Variants in METTL25 observed in about 807,000 individuals in gnomAD.
The protein encoded by METTL25 is probable methyltransferase-like protein 25.
METTL25 carries 64 observed loss-of-function variants against 71.6 expected under a neutral mutation model. That is an observed-to-expected ratio of 0.89 (90% CI 0.73 to 1.10). The LOEUF (loss-of-function observed/expected upper bound fraction) is 1.10. METTL25 is among the 50% of genes least tolerant of loss of function. The probability of loss-of-function intolerance (pLI) is 0.00; values close to 1 mark genes in which losing one functional copy is unlikely to be tolerated. For synonymous variants in METTL25, 287 were observed against 250.3 expected, an observed-to-expected ratio of 1.15 and a Z score of -1.38; for missense variants, 807 against 707.0, an observed-to-expected ratio of 1.14 and a Z score of -1.60.
intron 3 of METTL25, 85 bp downstream of exon 3, chr12:82,390,007 T>C: frequency 1.3e-6 from 1 of 746,398 alleles, no homozygotes; most frequent in Non-Finnish European, 2.3e-6. Context: ...TACTGTCAGC[T>C]AGCCTTTAAA....
chr12:82,467,569 T>G (rs1309752598), intron 9 of METTL25, among the ~76,000 whole-genome samples: 1 of 152,100 alleles, frequency 6.6e-6, no homozygotes, highest in Non-Finnish European at 1.5e-5. Context: ...TGGCTGGCAG[T>G]TTTTTTGTTT....
intron 5 of METTL25, among the ~76,000 whole-genome samples, chr12:82,424,398 A>AG (rs1195868385): frequency 1.4e-5 from 2 of 144,092 alleles, no homozygotes; most frequent in African/African-American, 5.0e-5. Flanking sequence ...GGGTGGGGGA[A>AG]GGGGGGAGGG....
chr12:82,475,250 G>A (rs1207323878), intron 9 of METTL25, among the ~76,000 whole-genome samples: 1 of 152,202 alleles, frequency 6.6e-6, no homozygotes, highest in Non-Finnish European at 1.5e-5. Flanking sequence ...TGTGAGTTGA[G>A]AGTTTCTGCT....
intron 5 of METTL25, among the ~76,000 whole-genome samples, chr12:82,424,534 A>G (rs1377327082): frequency 7.3e-5 from 3 of 41,194 alleles, no homozygotes; most frequent in Non-Finnish European, 1.0e-4. Flanking sequence ...TTAAAGTATA[A>G]TATAAAACTA....
intron 1 of METTL25, among the ~76,000 whole-genome samples, chr12:82,378,786 G>C (rs1884142486): frequency 6.6e-6 from 1 of 152,164 alleles, no homozygotes. Flanking sequence ...CGGCATTTGG[G>C]AAGGGCTGAG....
intron 8 of METTL25, among the ~76,000 whole-genome samples, chr12:82,447,111 G>GC (rs1178902447): frequency 1.3e-4 from 19 of 151,498 alleles, no homozygotes; most frequent in Non-Finnish European, 2.7e-4. Context: ...AAATAATCAA[G>GC]ATCAGAGCAT....
chr12:82,387,545 C>T (rs2136948455), intron 2 of METTL25, among the ~76,000 whole-genome samples: 1 of 151,708 alleles, frequency 6.6e-6, no homozygotes, highest in South Asian at 2.1e-4. Context: ...AAACCTCTTT[C>T]ATATCTCTTA....
At chr12:82,369,073 C>CT (rs1029843984) in intron 1 of METTL25, among the ~76,000 whole-genome samples, 132 of 152,260 alleles carry the variant, frequency 8.7e-4, no homozygotes, top group African/African-American at 3.1e-3. Flanking sequence ...TGTTTTTTCT[C>CT]TAATTTTGTT....
At chr12:82,408,824 A>T (rs146904082) in intron 5 of METTL25, among the ~76,000 whole-genome samples, 22 of 152,240 alleles carry the variant, frequency 1.4e-4, no homozygotes, top group African/African-American at 4.6e-4. Context: ...AAAGGGGTTT[A>T]TGTGCACAAA....
chr12:82,428,017 TG>T (rs1889177717), intron 5 of METTL25, among the ~76,000 whole-genome samples: 3 of 152,114 alleles, frequency 2.0e-5, no homozygotes, highest in African/African-American at 7.2e-5. Context: ...TCTGTTTTTT[TG>T]CTCTACTCTC....
intron 8 of METTL25, among the ~76,000 whole-genome samples, chr12:82,449,595 C>G (rs2137229419): frequency 6.6e-6 from 1 of 152,266 alleles, no homozygotes; most frequent in East Asian, 1.9e-4. Flanking sequence ...GAAGACATCT[C>G]TGTGATAGCT....
intron 9 of METTL25, among the ~76,000 whole-genome samples, chr12:82,465,844 T>A (rs1190367593): frequency 1.3e-5 from 2 of 151,958 alleles, no homozygotes; most frequent in Admixed American, 1.3e-4. Context: ...TGTATGTGTC[T>A]AAGAACTTGT....
At chr12:82,364,784 G>A (rs1323724546) in intron 1 of METTL25, among the ~76,000 whole-genome samples, 1 of 152,128 alleles carries the variant, frequency 6.6e-6, no homozygotes, top group Admixed American at 6.5e-5. Context: ...TTACTTGGAA[G>A]AAATAAATTG....
chr12:82,387,521 C>T (rs911084695), intron 2 of METTL25, among the ~76,000 whole-genome samples: 1 of 151,942 alleles, frequency 6.6e-6, no homozygotes, highest in African/African-American at 2.4e-5. Flanking sequence ...AACTCAGATT[C>T]TTTTATCTTA....
At chr12:82,372,761 CA>C (rs1467858174) in intron 1 of METTL25, among the ~76,000 whole-genome samples, 6 of 152,106 alleles carry the variant, frequency 3.9e-5, no homozygotes, top group African/African-American at 1.4e-4. Context: ...ATCTGAAAGA[CA>C]AAACCGCCTG....
At chr12:82,445,833 G>A (rs1045281022) in intron 8 of METTL25, among the ~76,000 whole-genome samples, 1 of 152,196 alleles carries the variant, frequency 6.6e-6, no homozygotes, top group East Asian at 1.9e-4. Context: ...TAACACCTTT[G>A]CTGCAGCTAT....
At chr12:82,437,038 ATAAAG>A (rs1189573319) in intron 7 of METTL25, among the ~76,000 whole-genome samples, 10 of 151,664 alleles carry the variant, frequency 6.6e-5, no homozygotes, top group Non-Finnish European at 1.3e-4. Flanking sequence ...GGGACAGATG[ATAAAG>A]TAGAGATTTT....
At chr12:82,406,127 C>A (rs1887066816) in intron 5 of METTL25, among the ~76,000 whole-genome samples, 1 of 152,162 alleles carries the variant, frequency 6.6e-6, no homozygotes, top group South Asian at 2.1e-4. Flanking sequence ...AGTTCAACAT[C>A]ATCAGTGCCA....
chr12:82,430,384 T>C (rs1889386020), intron 5 of METTL25, among the ~76,000 whole-genome samples: 1 of 151,496 alleles, frequency 6.6e-6, no homozygotes, highest in Non-Finnish European at 1.5e-5. Flanking sequence ...GTTAGTATAA[T>C]GAAGAAATAA....
Sources: allele counts gnomAD v4.1 joint callset (sites outside exome capture counted in the v4.1 genomes callset), GRCh38; gene constraint gnomAD v4.1.1; transcripts MANE v1.5; gene names NCBI Gene and HGNC (gene_info 2026-07-23, HGNC 2026-07-21).